Variants in DENND3 observed in about 807,000 individuals in gnomAD.
The protein encoded by DENND3 is DENN domain-containing protein 3.
DENND3 carries 88 observed loss-of-function variants against 135.1 expected under a neutral mutation model. The ratio of observed to expected loss-of-function variants is 0.65; its 90% CI spans 0.55 to 0.78. The LOEUF (loss-of-function observed/expected upper bound fraction) is 0.78, where lower values mean the gene tolerates loss of function less well. Among genes scored for constraint, DENND3 ranks in the 30% least tolerant of loss-of-function variants. The pLI, the probability that DENND3 is intolerant of heterozygous loss-of-function variation, is 0.00. For missense variants in DENND3, 1,392 were observed against 1,688.4 expected (o/e 0.82, Z 3.08); for synonymous variants, 693 against 712.3 (o/e 0.97, Z 0.43).
chr8:141,176,713 G>T lies in DENND3; in HGVS notation c.2658G>T (p.Leu886=). 2 of 1,614,244 alleles carry T rather than the reference G, an allele frequency of 1.2e-6. No individual in the cohort carries two copies. The highest frequency in any genetic ancestry group is 2.2e-5 in the South Asian group (2 of 91,088). The change falls in exon 15 of 23, where the codon CTG becomes CTT. Residue 886 remains leucine (L), a synonymous_variant. Transcript: ENST00000519811. ...NLKTECDLWH[L]MVKEMWAGKK... ...AAACCGAGTGTGACCTTTGGCACCT[G>T]ATGGTGAAGGAGATGTGGGCTGGGA... is the stretch of plus-strand genomic sequence containing the variant.
chr8:141,192,355 T>TG lies in DENND3; in HGVS notation c.3405dup (p.Lys1136GlufsTer13). On this transcript the variant is annotated frameshift_variant, in exon 21 of 23. Coordinates refer to ENST00000519811, the MANE Select transcript of DENND3 (RefSeq NM_001352890.3). LOFTEE classifies it high-confidence loss of function. ...GGCACAGGTAACAGCATCATGGTCA[T>TG]GAAAATGAATGGATCCCTCCATCAA... The TG allele has an allele frequency of 6.2e-7, 1 of 1,614,176 alleles. No individual in the cohort carries two copies. Among genetic ancestry groups the TG allele is most frequent in the Non-Finnish European group, 8.5e-7 (1 of 1,180,030 alleles).
chr8:141,152,899 GC>G (rs1569555724), intron 7 of DENND3, among the ~76,000 whole-genome samples: 1 of 152,114 alleles, frequency 6.6e-6, no homozygotes, highest in African/African-American at 2.4e-5. Context: ...CCTAACGTCC[GC>G]GCCAGCGCTG....
In DENND3 at chr8:141,155,975, C is replaced by G. The variant is rs372787004; in HGVS notation, c.1196+5C>G. On this transcript the variant is annotated splice_donor_5th_base_variant and intron_variant, in intron 8 of 22. Transcript: ENST00000519811. Reference sequence around the variant, plus strand: ...AGCCCAGACGTTTATTCAGAGGTAACGGGAAACATTAATGGTATGAATTTC... The same window carrying G: ...AGCCCAGACGTTTATTCAGAGGTAAGGGGAAACATTAATGGTATGAATTTC... 6.3e-7 allele frequency: 1 copy of G among 1,597,170 alleles called. No homozygotes were observed. Among genetic ancestry groups the G allele is most frequent in the Admixed American group, 1.7e-5 (1 of 57,750 alleles).
intron 13 of DENND3, chr8:141,173,868 T>C (rs1247775264): frequency 6.6e-6 from 1 of 152,302 alleles, no homozygotes; most frequent in Non-Finnish European, 1.5e-5. Context: ...GTTTCCCCTT[T>C]TGAATGAGCC....
chr8:141,158,075 T>A, intron 8 of DENND3: 1 of 1,230,118 alleles, frequency 8.1e-7, no homozygotes, highest in Non-Finnish European at 1.0e-6. Flanking sequence ...ACTACCTTTA[T>A]TATTGTTCTT....
At position 141,150,933 on chromosome 8, in the gene DENND3, A is replaced by T. The variant is rs441914; in HGVS notation, c.835A>T (p.Arg279Trp). ...CCTTCACCTGCCCTTGCTGTGCTTC[A>T]GGCCTGAGAAGGTGCTACAGGTACG... is the stretch of plus-strand genomic sequence containing the variant. ...LDLHLPLLCFRPEKVLQILTC... is the reference protein window; with the variant it reads ...LDLHLPLLCFWPEKVLQILTC... The change falls in exon 6 of 23, where the codon AGG (arginine) becomes TGG (tryptophan). Residue 279 changes from arginine (R) to tryptophan (W), a missense_variant. By Grantham distance (101) the Arg-to-Trp change is moderately radical (BLOSUM62 -3). Transcript: ENST00000519811. 13 of 1,596,960 alleles carry T rather than the reference A, an allele frequency of 8.1e-6. No homozygotes were observed. The highest frequency in any genetic ancestry group is 3.7e-5 in the Admixed American group (2 of 54,724).
In DENND3 at chr8:141,168,300, T is replaced by C; in HGVS notation, c.2050T>C (p.Ser684Pro). ...GGTGAAGAGGACGGTGGAATCCATG[T>C]CTGCCCCTGAGTGGGAGGGGGCTGA... ...DLVKRTVESM[S>P]APEWEGAEQA... is the part of the protein sequence containing the mutation. Residue 684 changes from serine to proline, a missense_variant, in exon 13 of 23, where the codon TCT (serine) becomes CCT (proline). Coordinates refer to ENST00000519811, the MANE Select transcript of DENND3 (RefSeq NM_001352890.3). The surrounding 1 kb of genome is among the most constrained non-coding windows in gnomAD (Gnocchi z 6.2). The C allele has an allele frequency of 6.2e-7, 1 of 1,614,090 alleles. No homozygotes were observed. Among genetic ancestry groups the C allele is most frequent in the Non-Finnish European group, 8.5e-7 (1 of 1,180,012 alleles).
intron 16 of DENND3, 92 bp from the exon 17 acceptor site, chr8:141,180,655 T>C (rs1822974447): frequency 8.4e-7 from 1 of 1,186,224 alleles, no homozygotes; most frequent in African/African-American, 1.5e-5. Context: ...TGCAAGCTGA[T>C]ATTCTGCAGA....
At position 141,148,481 on chromosome 8, in the gene DENND3, T is replaced by TCA. The variant is rs369837260; in HGVS notation, c.736-2340_736-2339dup. ...TTGGCTTAATTGGGTGTGCAAAATC[T>TCA]CACACACACACACATTCTTCTCTTG... is the stretch of plus-strand genomic sequence containing the variant. On this transcript the variant is annotated intron_variant, in intron 5 of 22. Transcript: ENST00000519811. Among the ~76,000 whole-genome samples the TCA allele has an allele frequency of 5.0e-3, 756 of 152,218 alleles. 8 individuals are homozygous for TCA. Among genetic ancestry groups the TCA allele is most frequent in the African/African-American group, 0.017 (696 of 41,532 alleles).
At chr8:141,162,958 C>T (rs373902967) in intron 9 of DENND3, among the ~76,000 whole-genome samples, 5 of 152,204 alleles carry the variant, frequency 3.3e-5, no homozygotes, top group African/African-American at 1.2e-4. Flanking sequence ...GTGACTTGTC[C>T]GGGAAGGCTG....
chr8:141,149,359 A>G (rs141612727), intron 5 of DENND3, among the ~76,000 whole-genome samples: 1 of 152,366 alleles, frequency 6.6e-6, no homozygotes, highest in East Asian at 1.9e-4. Context: ...CAATTTCACC[A>G]TAAACTAATT....
At chr8:141,189,224 G>A in intron 19 of DENND3, 78 bp downstream of exon 19, 1 of 1,595,240 alleles carries the variant, frequency 6.3e-7, no homozygotes, top group East Asian at 2.3e-5. Context: ...GGGTTCCCAA[G>A]TCTTGTGCCC....
intron 4 of DENND3, chr8:141,142,399 A>C: frequency 2.2e-6 from 1 of 457,150 alleles, no homozygotes. Context: ...TGCTTCTTGC[A>C]AAGCACAGTC....
chr8:141,192,062 T>A (rs773629626), intron 20 of DENND3: 3 of 384,014 alleles, frequency 7.8e-6, no homozygotes, highest in Non-Finnish European at 1.4e-5. Context: ...GCTTAAGCAG[T>A]CAATGATCTT....
intron 15 of DENND3, chr8:141,176,989 AG>A (rs1822460000): frequency 1.3e-5 from 7 of 541,010 alleles, no homozygotes; most frequent in Non-Finnish European, 2.3e-5. Context: ...GAGAAAACGC[AG>A]GGCGGTCTGG....
chr8:141,157,385 C>T, intron 8 of DENND3: 1 of 985,386 alleles, frequency 1.0e-6, no homozygotes, highest in Non-Finnish European at 1.2e-6. Context: ...GCTCATTTTT[C>T]CCTTCAGCAT....
At chr8:141,135,564 G>A (rs981230410) in intron 1 of DENND3, among the ~76,000 whole-genome samples, 1 of 152,054 alleles carries the variant, frequency 6.6e-6, no homozygotes, top group Admixed American at 6.5e-5. Flanking sequence ...TTGCTGTTTC[G>A]GGCTAGTTTA....
chr8:141,142,995 A>G (rs1183333679), intron 4 of DENND3: 1 of 152,692 alleles, frequency 6.5e-6, no homozygotes, highest in African/African-American at 2.4e-5. Context: ...GCAAACACAT[A>G]TTTAACTTGA....
At chr8:141,185,314 A>G (rs1250685042) in intron 18 of DENND3, 36 bp downstream of exon 18, 1 of 1,612,086 alleles carries the variant, frequency 6.2e-7, no homozygotes, top group Non-Finnish European at 8.5e-7. Flanking sequence ...AAGCCTCTGA[A>G]TTCACGTGAT....
Sources: allele counts gnomAD v4.1 joint callset (sites outside exome capture counted in the v4.1 genomes callset), GRCh38; gene constraint gnomAD v4.1.1; non-coding constraint Gnocchi (gnomAD v3.1); transcripts MANE v1.5; gene names NCBI Gene and HGNC (gene_info 2026-07-23, HGNC 2026-07-21).